Variants in DNAL1 observed in about 807,000 individuals in gnomAD.
DNAL1 encodes the protein chromosome 14 open reading frame 168.
In DNAL1, 17 loss-of-function variants were observed where a neutral mutation model predicts 29.4. The observed-to-expected ratio is 0.58, with a 90% CI of 0.40 to 0.87. DNAL1 has a LOEUF of 0.87. Among genes scored for constraint, DNAL1 ranks in the 40% least tolerant of loss-of-function variants. The pLI is 0.00. For synonymous variants in DNAL1, 78 were observed against 76.3 expected (o/e 1.02, Z -0.12); for missense variants, 188 against 214.1 (o/e 0.88, Z 0.76).
intron 5 of DNAL1, 142 bp from the exon 6 acceptor site, chr14:73,687,117 T>C (rs977411805): frequency 1.1e-6 from 1 of 918,646 alleles, no homozygotes; most frequent in Non-Finnish European, 1.5e-6. Flanking sequence ...AAAAAAAACC[T>C]CCCACACAAC....
At chr14:73,689,896 C>T (rs1029440608) in intron 7 of DNAL1, among the ~76,000 whole-genome samples, 4 of 151,602 alleles carry the variant, frequency 2.6e-5, no homozygotes, top group East Asian at 2.0e-4. Flanking sequence ...ATTAGCCAGG[C>T]GTGGTGGCGG....
chr14:73,654,653 G>A (rs950786755), intron 1 of DNAL1, among the ~76,000 whole-genome samples, 194 bp from the exon 2 acceptor site: 1 of 152,068 alleles, frequency 6.6e-6, no homozygotes, highest in African/African-American at 2.4e-5. Context: ...CAGCTACTTG[G>A]GAGACTGAGG....
At chr14:73,666,127 G>A (rs967179904) in intron 4 of DNAL1, among the ~76,000 whole-genome samples, 7 of 152,144 alleles carry the variant, frequency 4.6e-5, no homozygotes, top group Non-Finnish European at 8.8e-5. Flanking sequence ...TCCATATGAG[G>A]ATTGAAGTTA....
rs927202472 is a variant in DNAL1, at chr14:73,671,484, T to C, written c.209-58T>C. ...TATTAAAGCTTTATTATTCTAGATT[T>C]ACAACAATTGTGTAATATGATTCTA... On this transcript the variant is annotated intron_variant, in intron 4 of 7. Transcript: ENST00000553645. 2.1e-5 allele frequency: 29 copies of C among 1,359,288 alleles called. No individual in the cohort carries two copies. In the African/African-American group the frequency reaches 3.8e-4, roughly 18 times the overall value. 84.2% of individuals were successfully genotyped at this position (1,359,288 alleles called of 1,614,324 possible).
At position 73,700,774 on chromosome 14, in the gene DNAL1, A is replaced by G. The variant is rs532757426; in HGVS notation, c.*4832A>G. On this transcript the variant is annotated 3_prime_UTR_variant, in exon 8 of 8. Transcript: ENST00000553645. ...AATTCATTCCTTTGGCACAGATTTT[A>G]TTTATTTGGGGCTGTTTAATGTGTC... The G allele has an allele frequency of 2.0e-5, 3 of 152,300 alleles. No homozygotes were observed. Among genetic ancestry groups the G allele is most frequent in the Non-Finnish European group, 4.4e-5 (3 of 68,006 alleles). The allele number at this position is 152,300 out of a possible 1,614,324, so 9.4% of individuals were successfully genotyped here. A position where few individuals can be genotyped will look rare whatever the true frequency, so the allele number is the denominator to read the frequency against.
chr14:73,685,524 A>G (rs915595298), intron 5 of DNAL1, among the ~76,000 whole-genome samples: 61 of 150,486 alleles, frequency 4.1e-4, no homozygotes, highest in African/African-American at 1.4e-3. Flanking sequence ...CAGTTGCGCA[A>G]TTTTGGCTCG....
chr14:73,648,008 C>T (rs1287124221), intron 1 of DNAL1, among the ~76,000 whole-genome samples: 5 of 152,066 alleles, frequency 3.3e-5, no homozygotes, highest in Admixed American at 1.3e-4. Flanking sequence ...TACAGAGTCT[C>T]GTTCTGTCGC....
At chr14:73,648,230 G>A (rs1355042730) in intron 1 of DNAL1, among the ~76,000 whole-genome samples, 1 of 151,560 alleles carries the variant, frequency 6.6e-6, no homozygotes, top group Non-Finnish European at 1.5e-5. Flanking sequence ...TGCCCACCCA[G>A]GCCTCCCAAA....
intron 4 of DNAL1, among the ~76,000 whole-genome samples, chr14:73,668,421 T>A (rs143486958): frequency 3.0e-3 from 460 of 152,294 alleles, no homozygotes; most frequent in African/African-American, 0.011. Context: ...GAAAATGGTG[T>A]TTTTTCATAT....
intron 5 of DNAL1, among the ~76,000 whole-genome samples, chr14:73,685,905 T>C (rs1437462179): frequency 6.6e-6 from 1 of 152,192 alleles, no homozygotes; most frequent in Non-Finnish European, 1.5e-5. Context: ...GGCGTACCAA[T>C]ATCTCGAGAT....
At chr14:73,675,494 G>A (rs1891710842) in intron 5 of DNAL1, among the ~76,000 whole-genome samples, 1 of 151,370 alleles carries the variant, frequency 6.6e-6, no homozygotes, top group Admixed American at 6.6e-5. Context: ...TTTTTGTAGT[G>A]ATGGAGTCTT....
intron 3 of DNAL1, among the ~76,000 whole-genome samples, chr14:73,660,661 T>C (rs1390241596): frequency 2.6e-5 from 4 of 152,196 alleles, no homozygotes; most frequent in African/African-American, 7.2e-5. Flanking sequence ...CAAACATATT[T>C]AGCTTTTGTA....
At chr14:73,682,115 AAAT>A (rs1301625769) in intron 5 of DNAL1, among the ~76,000 whole-genome samples, 3 of 151,836 alleles carry the variant, frequency 2.0e-5, no homozygotes, top group African/African-American at 7.3e-5. Context: ...TCTGTCTCAA[AAAT>A]AATAATATTG....
At chr14:73,690,075 T>A (rs114080634) in intron 7 of DNAL1, among the ~76,000 whole-genome samples, 1,957 of 150,526 alleles carry the variant, frequency 0.013, 39 homozygotes, top group African/African-American at 0.045. Context: ...AGCTAGGCCT[T>A]ATAAATCTAC....
At chr14:73,679,604 A>G (rs1392795150) in intron 5 of DNAL1, among the ~76,000 whole-genome samples, 1 of 152,232 alleles carries the variant, frequency 6.6e-6, no homozygotes, top group Non-Finnish European at 1.5e-5. Context: ...ATCTGATCAC[A>G]GTTTCCACAT....
At chr14:73,678,224 T>A (rs74691621) in intron 5 of DNAL1, among the ~76,000 whole-genome samples, 5,346 of 152,080 alleles carry the variant, frequency 0.035, 342 homozygotes, top group African/African-American at 0.12. Flanking sequence ...TACTAGTCAT[T>A]TAGGTTTCAT....
chr14:73,664,594 T>TA (rs1891431438), intron 4 of DNAL1, among the ~76,000 whole-genome samples: 1 of 152,144 alleles, frequency 6.6e-6, no homozygotes, highest in Non-Finnish European at 1.5e-5. Context: ...TGCAGCCAGG[T>TA]ACCATGGCTC....
Position 73,701,878 on chromosome 14 carries a change from A to G in DNAL1, c.*5936A>G, listed in dbSNP as rs1892444298. On this transcript the variant is annotated 3_prime_UTR_variant, in exon 8 of 8. Transcript: ENST00000553645. ...ACTTATTGTGAATTAAGTTATTTAG[A>G]AATGTTGAGTTTCTGAATGTTATTT... is the stretch of plus-strand genomic sequence containing the variant. The G allele has an allele frequency of 6.6e-6, 1 of 152,186 alleles. No individual in the cohort carries two copies. Among genetic ancestry groups the G allele is most frequent in the Non-Finnish European group, 1.5e-5 (1 of 68,042 alleles). 9.4% of individuals were successfully genotyped at this position (152,186 alleles called of 1,614,324 possible).
chr14:73,687,848 G>A (rs2140058950), intron 6 of DNAL1, among the ~76,000 whole-genome samples: 1 of 152,318 alleles, frequency 6.6e-6, no homozygotes, highest in Non-Finnish European at 1.5e-5. Context: ...ACTCCAGCCA[G>A]GGCAGCAGAG....
Sources: gnomAD v4.1 joint callset for allele counts (sites outside exome capture counted in the v4.1 genomes callset) on GRCh38, gnomAD v4.1.1 for gene constraint, MANE v1.5 for transcripts, NCBI Gene and HGNC (gene_info 2026-07-23, HGNC 2026-07-21) for gene names.